Variants in NEO1 observed in about 807,000 individuals in gnomAD.
NEO1 encodes the protein neogenin.
Under a neutral mutation model 159.7 loss-of-function variants are expected in NEO1, and 63 were observed. That is an observed-to-expected ratio of 0.39 (90% CI 0.32 to 0.49). The LOEUF is 0.49. Ranked by LOEUF, NEO1 falls within the 20% of genes least tolerant of loss-of-function variation. The pLI, the probability that NEO1 is intolerant of heterozygous loss-of-function variation, is 0.85. For missense variants in NEO1, 1,615 were observed against 1,831.0 expected, an observed-to-expected ratio of 0.88 and a Z score of 2.15; for synonymous variants, 633 against 662.0, an observed-to-expected ratio of 0.96 and a Z score of 0.67.
rs1379226069 is a variant in NEO1 at position 73,207,280 on chromosome 15, ATGTT to A, written c.1291+28855_1291+28858del. Among the ~76,000 whole-genome samples, 8 of 152,360 alleles carry A rather than the reference ATGTT, an allele frequency of 5.3e-5. No homozygotes were observed. The East Asian group carries it at 1.2e-3, about 22-fold the overall frequency. On this transcript the variant is annotated intron_variant, in intron 7 of 28. Transcript: ENST00000261908. Reference sequence around the variant, plus strand: ...GTAGATATTGTTACTATTTGTATATATGTTTAAGAAAATGGAAACTTAAAAACAT... The same window carrying A: ...GTAGATATTGTTACTATTTGTATATATAAGAAAATGGAAACTTAAAAACAT...
chr15:73,080,629 T>C (rs1442960211), intron 1 of NEO1, among the ~76,000 whole-genome samples: 4 of 152,042 alleles, frequency 2.6e-5, no homozygotes, highest in Non-Finnish European at 2.9e-5. Flanking sequence ...TGATTTCTAA[T>C]TGTGGCCGAG....
intron 5 of NEO1, among the ~76,000 whole-genome samples, chr15:73,164,756 A>G (rs2034454874): frequency 6.6e-6 from 1 of 152,224 alleles, no homozygotes. Context: ...CCTGTAGTAG[A>G]AAAATGAAAA....
intron 25 of NEO1, among the ~76,000 whole-genome samples, chr15:73,291,308 G>C (rs1699033538): frequency 6.6e-6 from 1 of 152,212 alleles, no homozygotes. Flanking sequence ...TTTATTTCTA[G>C]ATGTATTACT....
chr15:73,151,619 AAGG>A (rs1339528267), intron 5 of NEO1, among the ~76,000 whole-genome samples: 1 of 152,166 alleles, frequency 6.6e-6, no homozygotes, highest in Non-Finnish European at 1.5e-5. Context: ...TGGTGGCAGG[AAGG>A]AGAAGTGCCA....
At chr15:73,279,765 C>T (rs776365395) in intron 22 of NEO1, among the ~76,000 whole-genome samples, 6 of 152,110 alleles carry the variant, frequency 3.9e-5, no homozygotes, top group Non-Finnish European at 7.4e-5. Flanking sequence ...CCGTCTAACC[C>T]GGATCTTCAA....
intron 5 of NEO1, among the ~76,000 whole-genome samples, chr15:73,161,580 A>G (rs2034182862): frequency 6.6e-6 from 1 of 152,212 alleles, no homozygotes; most frequent in African/African-American, 2.4e-5. Flanking sequence ...ATCCAAGCAA[A>G]GGGTGGATTT....
At chr15:73,143,927 A>G (rs1274400727) in intron 5 of NEO1, among the ~76,000 whole-genome samples, 4 of 152,132 alleles carry the variant, frequency 2.6e-5, no homozygotes, top group African/African-American at 4.8e-5. Context: ...TTCAACTCCT[A>G]CTAGACTGGA....
chr15:73,235,940 A>T (rs1033916741), intron 7 of NEO1, among the ~76,000 whole-genome samples: 1 of 152,206 alleles, frequency 6.6e-6, no homozygotes, highest in Admixed American at 6.5e-5. Flanking sequence ...CAGATGTTGC[A>T]TGCTGCTTTC....
At chr15:73,266,887 A>G (rs1472908173) in intron 16 of NEO1, among the ~76,000 whole-genome samples, 1 of 152,224 alleles carries the variant, frequency 6.6e-6, no homozygotes, top group Non-Finnish European at 1.5e-5. Flanking sequence ...GGTCAGAGGT[A>G]CTATCCATTT....
At position 73,272,503 on chromosome 15, in the gene NEO1, A is replaced by T; in HGVS notation, c.2906A>T (p.Lys969Ile). Reference sequence around the variant, plus strand: ...GTGACTGTTGTGAGTAAAGAGGGGAAACCTAAGACCATAATTGTGAATTGG... The same window carrying T: ...GTGACTGTTGTGAGTAAAGAGGGGATACCTAAGACCATAATTGTGAATTGG... ...KDVTVVSKEGKPKTIIVNWQP... is the reference protein window; with the variant it reads ...KDVTVVSKEGIPKTIIVNWQP... Residue 969 changes from lysine to isoleucine, a missense_variant, in exon 19 of 29, where the codon AAA (lysine) becomes ATA (isoleucine). Coordinates refer to ENST00000261908, the MANE Select transcript of NEO1 (RefSeq NM_002499.4). 3 of 1,614,092 alleles carry T rather than the reference A, an allele frequency of 1.9e-6. No individual in the cohort carries two copies. Among genetic ancestry groups the T allele is most frequent in the Non-Finnish European group, 1.7e-6 (2 of 1,179,968 alleles).
intron 1 of NEO1, among the ~76,000 whole-genome samples, chr15:73,075,552 A>G (rs1474840007): frequency 6.6e-6 from 1 of 152,122 alleles, no homozygotes; most frequent in East Asian, 1.9e-4. Flanking sequence ...GTGGAAACAG[A>G]TTGGACTTGG....
At chr15:73,215,156 A>T (rs2037802228) in intron 7 of NEO1, among the ~76,000 whole-genome samples, 1 of 152,160 alleles carries the variant, frequency 6.6e-6, no homozygotes, top group African/African-American at 2.4e-5. Context: ...GAATTCTTTT[A>T]TCAGTTCTAG....
At chr15:73,100,777 C>T (rs555649951) in intron 1 of NEO1, among the ~76,000 whole-genome samples, 13 of 152,344 alleles carry the variant, frequency 8.5e-5, no homozygotes, top group African/African-American at 4.8e-5. Context: ...CAGTTACCAA[C>T]GTCAGCTGGG....
intron 1 of NEO1, among the ~76,000 whole-genome samples, chr15:73,064,056 T>C (rs2068094201): frequency 1.3e-5 from 2 of 152,260 alleles, no homozygotes; most frequent in African/African-American, 2.4e-5. Flanking sequence ...TGAAGAATAC[T>C]TTAAAAAAAT....
chr15:73,182,337 A>G (rs1261751541), intron 7 of NEO1, among the ~76,000 whole-genome samples: 1 of 152,148 alleles, frequency 6.6e-6, no homozygotes, highest in Non-Finnish European at 1.5e-5. Flanking sequence ...AAGAGGGCAG[A>G]TCAAAGTGGA....
chr15:73,078,381 G>T (rs2068877704), intron 1 of NEO1, among the ~76,000 whole-genome samples: 1 of 152,172 alleles, frequency 6.6e-6, no homozygotes, highest in South Asian at 2.1e-4. Context: ...ATGTTTGAAT[G>T]TTCTGTAGAT....
At chr15:73,236,742 G>T (rs902166418) in intron 8 of NEO1, among the ~76,000 whole-genome samples, 1 of 152,180 alleles carries the variant, frequency 6.6e-6, no homozygotes, top group Admixed American at 6.5e-5. Context: ...TGAGGTGGAC[G>T]TATTTAAATG....
chr15:73,134,956 C>G (rs911937272), intron 4 of NEO1, among the ~76,000 whole-genome samples: 1 of 152,062 alleles, frequency 6.6e-6, no homozygotes, highest in Non-Finnish European at 1.5e-5. Context: ...TGTGGAACTT[C>G]AAAATAAAAA....
chr15:73,300,741 A>C (rs2042581816), intron 27 of NEO1, among the ~76,000 whole-genome samples: 1 of 152,242 alleles, frequency 6.6e-6, no homozygotes, highest in African/African-American at 2.4e-5. Context: ...AAAAAAAAAG[A>C]CAGCTGTCAT....
Sources: allele counts gnomAD v4.1 joint callset (sites outside exome capture counted in the v4.1 genomes callset), GRCh38; gene constraint gnomAD v4.1.1; transcripts MANE v1.5; gene names NCBI Gene and HGNC (gene_info 2026-07-23, HGNC 2026-07-21).